The following ARFRP1 variants were observed in gnomAD, a reference collection of about 807,000 sequenced individuals.
ARFRP1 encodes ARF related protein 1, also known as ADP-ribosylation factor-related protein 1.
A neutral mutation model predicts 30.3 loss-of-function variants in ARFRP1; 19 were observed. That is an observed-to-expected ratio of 0.63 (90% CI 0.44 to 0.92). ARFRP1 has a LOEUF of 0.92. ARFRP1 is among the 40% of genes least tolerant of loss of function. The pLI is 0.00. For missense variants in ARFRP1, 245 were observed against 267.5 expected (o/e 0.92, Z 0.59); for synonymous variants, 133 against 114.2 (o/e 1.16, Z -1.05).
intron 1 of ARFRP1, 46 bp from the exon 2 acceptor site, chr20:63,707,143 C>T (rs749758912): frequency 2.6e-6 from 4 of 1,522,102 alleles, no homozygotes; most frequent in Non-Finnish European, 3.6e-6. Context: ...AAGCACCTCC[C>T]CTCCCCCGGG....
At chr20:63,701,434 C>T (rs765986805) in intron 6 of ARFRP1, 2 of 499,182 alleles carry the variant, frequency 4.0e-6, no homozygotes, top group African/African-American at 3.9e-5. Flanking sequence ...ACAGATGCCA[C>T]CTCCAAGGGT....
At chr20:63,705,727 GA>G (rs1568766910) in intron 4 of ARFRP1, 2 of 533,074 alleles carry the variant, frequency 3.8e-6, no homozygotes, top group African/African-American at 3.9e-5. Context: ...TCTCTGAGCC[GA>G]AAGGAGGCAC....
intron 1 of ARFRP1, 125 bp from the exon 2 acceptor site, chr20:63,707,222 C>T (rs1178917974): frequency 4.0e-6 from 3 of 753,676 alleles, no homozygotes; most frequent in Non-Finnish European, 6.5e-6. Flanking sequence ...GGGGGCCATT[C>T]CCGACTCCTC....
At chr20:63,705,653 C>T (rs762884400) in intron 4 of ARFRP1, 2 of 532,976 alleles carry the variant, frequency 3.8e-6, no homozygotes, top group Non-Finnish European at 7.7e-6. Flanking sequence ...GGAGAGGCAG[C>T]CATCCTGCCG....
Position 63,700,593 on chromosome 20 carries a change from C to G in ARFRP1, c.518+9G>C. 6.2e-7 allele frequency: 1 copy of G among 1,610,586 alleles called. No individual in the cohort carries two copies. On this transcript the variant is annotated intron_variant, in intron 7 of 7. Coordinates refer to ENST00000622789, the MANE Select transcript of ARFRP1 (RefSeq NM_001267547.3). Reference sequence around the variant, plus strand: ...CCCCAAAGCCCCCGCAGGTGCAGCCCCCACTCACCCTGTGAGGGCCGAGCA... The same window carrying G: ...CCCCAAAGCCCCCGCAGGTGCAGCCGCCACTCACCCTGTGAGGGCCGAGCA...
rs1026606806 is a variant in ARFRP1 at position 63,702,007 on chromosome 20, C to CG, written c.347-108_347-107insC. On this transcript the variant is annotated intron_variant, in intron 5 of 7. Coordinates refer to ENST00000622789, the MANE Select transcript of ARFRP1 (RefSeq NM_001267547.3). ...GACAGCCACTCCCTCTGCCCCCCCC[C>CG]CCCCCGTCACCCACTAGGCAGGAGC... The CG allele has an allele frequency of 3.8e-5, 39 of 1,029,948 alleles. 1 individual carries two copies. The highest frequency in any genetic ancestry group is 1.1e-4 in the South Asian group (7 of 64,524). 63.8% of individuals were successfully genotyped at this position (1,029,948 alleles called of 1,614,324 possible).
intron 4 of ARFRP1, chr20:63,706,118 C>A: frequency 2.1e-6 from 1 of 481,876 alleles, no homozygotes; most frequent in South Asian, 2.0e-5. Flanking sequence ...CTCCACTGGC[C>A]CCATCGCAGG....
intron 2 of ARFRP1, 121 bp from the exon 3 acceptor site, chr20:63,706,859 G>A (rs2145601697): frequency 8.0e-7 from 1 of 1,257,522 alleles, no homozygotes; most frequent in East Asian, 2.3e-5. Context: ...CTGCTCTTCA[G>A]GAGGCTGGTG....
At position 63,706,694 on chromosome 20, in the gene ARFRP1, C is replaced by T. The variant is rs1291385382; in HGVS notation, c.138G>A (p.Lys46=). 2 of 1,614,072 alleles carry T rather than the reference C, an allele frequency of 1.2e-6. No homozygotes were observed. The highest frequency in any genetic ancestry group is 3.3e-5 in the Admixed American group (2 of 60,032). Residue 46 remains lysine (K), a synonymous_variant, in exon 3 of 8, where the codon AAG becomes AAA. Coordinates refer to ENST00000622789, the MANE Select transcript of ARFRP1 (RefSeq NM_001267547.3). The stretch of plus-strand genomic sequence containing the variant: ...TGGTGATTTTGGATAGACTCATCCC[C>T]TTGTAGTTCTTGTTAAATCGGGTTT... ...QSKTRFNKNY[K]GMSLSKITTT...
At chr20:63,706,491 C>T (rs1258921395) in intron 3 of ARFRP1, 52 bp from the exon 4 acceptor site, 19 of 1,577,816 alleles carry the variant, frequency 1.2e-5, no homozygotes, top group Non-Finnish European at 1.5e-5. Flanking sequence ...CTCGACACAC[C>T]CAGTCCCAGC....
Position 63,707,100 on chromosome 20 carries a change from G to A in ARFRP1, c.-6-3C>T. ...GACAGCAGCGTGTACATCCTGCCCT[G>A]GGCACCCCAACATAGGTCAGTGTGC... On this transcript the variant is annotated splice_region_variant and splice_polypyrimidine_tract_variant and intron_variant, in intron 1 of 7. Coordinates refer to ENST00000622789, the MANE Select transcript of ARFRP1 (RefSeq NM_001267547.3). 1.2e-6 allele frequency: 2 copies of A among 1,600,342 alleles called. No individual in the cohort carries two copies. The highest frequency in any genetic ancestry group is 8.5e-7 in the Non-Finnish European group (1 of 1,173,850).
rs2091139895 is a variant in ARFRP1, at chr20:63,700,408, G to C, written c.*35C>G. The C allele has an allele frequency of 1.2e-6, 2 of 1,602,692 alleles. No individual in the cohort carries two copies. The highest frequency in any genetic ancestry group is 1.7e-6 in the Non-Finnish European group (2 of 1,179,344). On this transcript the variant is annotated 3_prime_UTR_variant, in exon 8 of 8. Coordinates refer to ENST00000622789, the MANE Select transcript of ARFRP1 (RefSeq NM_001267547.3). ...ACAGGAGGCCACTCCTCCAGCACCA[G>C]GGGACCAGCCGTCCCGACGGCAGCG...
At chr20:63,705,380 A>C (rs2091403426) in intron 4 of ARFRP1, 1 of 249,762 alleles carries the variant, frequency 4.0e-6, no homozygotes, top group African/African-American at 2.2e-5. Context: ...GGGACACCCC[A>C]CACCCACTGT....
At chr20:63,706,576 C>A in intron 3 of ARFRP1, 75 bp downstream of exon 3, 1 of 1,523,060 alleles carries the variant, frequency 6.6e-7, no homozygotes, top group Non-Finnish European at 9.1e-7. Flanking sequence ...GGGCTGTGGC[C>A]ACGGGCCAGC....
At position 63,698,806 on chromosome 20, in the gene ARFRP1, A is replaced by G. The variant is rs1182032445; in HGVS notation, c.*1637T>C. 2.3e-6 allele frequency: 1 copy of G among 432,300 alleles called. No homozygotes were observed. Among genetic ancestry groups the G allele is most frequent in the African/African-American group, 2.1e-5 (1 of 47,820 alleles). 26.8% of individuals were successfully genotyped at this position (432,300 alleles called of 1,614,324 possible). A position where few individuals can be genotyped will look rare whatever the true frequency, so the allele number is the denominator to read the frequency against. ...GCCCGGGGCTTCCCCTACCTCAGAC[A>G]GACCCTCCCTGGGAGGATCAGTGGG... On this transcript the variant is annotated 3_prime_UTR_variant, in exon 8 of 8. Transcript: ENST00000622789.
chr20:63,702,023 A>G (rs2091238880), intron 5 of ARFRP1, 113 bp downstream of exon 5: 2 of 472,304 alleles, frequency 4.2e-6, no homozygotes, highest in Non-Finnish European at 6.0e-6. Context: ...GTCACCCACT[A>G]GGCAGGAGCA....
chr20:63,702,128 G>A lies in ARFRP1; in HGVS notation c.346+8C>T, dbSNP rs374703716. On this transcript the variant is annotated splice_region_variant and intron_variant, in intron 5 of 7. Coordinates refer to ENST00000622789, the MANE Select transcript of ARFRP1 (RefSeq NM_001267547.3). Reference sequence around the variant, plus strand: ...CCATCCCTCCCAGAGCAGCCAGGCCGCACTCACCAAACGCCTGCTTGGACT... The same window carrying A: ...CCATCCCTCCCAGAGCAGCCAGGCCACACTCACCAAACGCCTGCTTGGACT... The A allele has an allele frequency of 3.9e-5, 62 of 1,608,706 alleles. No individual in the cohort carries two copies. Among genetic ancestry groups the A allele is most frequent in the Admixed American group, 2.7e-4 (16 of 59,882 alleles).
rs1160208720 is a variant in ARFRP1 at position 63,707,855 on chromosome 20, C to A, written c.-7+12G>T. 2 of 152,662 alleles carry A rather than the reference C, an allele frequency of 1.3e-5. No individual in the cohort carries two copies. Among genetic ancestry groups the A allele is most frequent in the African/African-American group, 4.8e-5 (2 of 41,478 alleles). 9.5% of individuals were successfully genotyped at this position (152,662 alleles called of 1,614,324 possible). A position where few individuals can be genotyped will look rare whatever the true frequency, so the allele number is the denominator to read the frequency against. On this transcript the variant is annotated intron_variant, in intron 1 of 7. Coordinates refer to ENST00000622789, the MANE Select transcript of ARFRP1 (RefSeq NM_001267547.3). ...TCGGGCCTCGCGCCTCACCGCACAG[C>A]CTGCGGCCTACCTGCGTCCGCCGCG...
intron 6 of ARFRP1, chr20:63,701,598 G>A (rs1199446310): frequency 6.7e-6 from 4 of 594,628 alleles, no homozygotes; most frequent in Non-Finnish European, 1.2e-5. Context: ...ATAGCAGGAA[G>A]AGGCCTCTGG....
Sources: allele counts gnomAD v4.1 joint callset, GRCh38; gene constraint gnomAD v4.1.1; transcripts MANE v1.5; gene names NCBI Gene and HGNC (gene_info 2026-07-23, HGNC 2026-07-21).